The following MORN2 variants were observed in gnomAD, a reference collection of about 807,000 sequenced individuals.
MORN2 encodes MORN repeat-containing protein 2.
A neutral mutation model predicts 13.4 loss-of-function variants in MORN2; 15 were observed. The ratio of observed to expected loss-of-function variants is 1.12; its 90% CI spans 0.75 to 1.72. The LOEUF is 1.72. MORN2 is among the 40% of genes most tolerant of loss of function. The probability of loss-of-function intolerance (pLI) is 0.00; values close to 1 mark genes in which losing one functional copy is unlikely to be tolerated. For synonymous variants in MORN2, 46 were observed against 43.6 expected, an observed-to-expected ratio of 1.06 and a Z score of -0.22; for missense variants, 168 against 134.6, an observed-to-expected ratio of 1.25 and a Z score of -1.23.
chr2:38,876,137 G>A (rs1558414826), intron 1 of MORN2, 27 bp downstream of exon 1: 1 of 398,702 alleles, frequency 2.5e-6, no homozygotes, highest in Non-Finnish European at 4.4e-6. Flanking sequence ...CTAACGACCC[G>A]GGCAGAGAAG....
rs1286489867 is a variant in MORN2, at chr2:38,880,677, G to C, written c.187G>C (p.Val63Leu). Residue 63 changes from valine to leucine, a missense_variant, in exon 3 of 5, where the codon GTC becomes CTC. Coordinates refer to ENST00000644631, the MANE Select transcript of MORN2 (RefSeq NM_001145450.3). ...TATTCATACCACTCCTAATGGGATT[G>C]TCTACACAGGAAGCTGGAAAGATGA... 1 of 1,550,034 alleles carries C rather than the reference G, an allele frequency of 6.5e-7. No individual in the cohort carries two copies. The highest frequency in any genetic ancestry group is 8.7e-7 in the Non-Finnish European group (1 of 1,146,772).
intron 2 of MORN2, 70 bp downstream of exon 2, chr2:38,880,299 G>A (rs952764001): frequency 5.0e-6 from 2 of 398,904 alleles, no homozygotes; most frequent in East Asian, 7.1e-5. Flanking sequence ...AACTGAGACT[G>A]TTAAATTTTA....
At chr2:38,882,381 G>A (rs1365047717) in intron 4 of MORN2, 32 bp from the exon 5 acceptor site, 1 of 1,388,862 alleles carries the variant, frequency 7.2e-7, no homozygotes. Context: ...ATTCATCTTT[G>A]TTAATGGAAA....
rs1665777064 is a variant in MORN2 at position 38,881,516 on chromosome 2, T to A, written c.291T>A (p.His97Gln). 3 of 1,544,822 alleles carry A rather than the reference T, an allele frequency of 1.9e-6. No homozygotes were observed. Among genetic ancestry groups the A allele is most frequent in the Non-Finnish European group, 2.6e-6 (3 of 1,144,626 alleles). Residue 97 changes from histidine to glutamine, a missense_variant, in exon 4 of 5, where the codon CAT becomes CAA. His to Gln is a conservative substitution (Grantham distance 24). Coordinates refer to ENST00000644631, the MANE Select transcript of MORN2 (RefSeq NM_001145450.3). ...GACAATTTAAGGATAATATGTTTCA[T>A]GGACTGGGGACTTACACATTCCCAA... is the stretch of plus-strand genomic sequence containing the variant.
intron 2 of MORN2, 80 bp from the exon 3 acceptor site, chr2:38,880,520 A>T (rs1272945157): frequency 1.2e-6 from 1 of 817,182 alleles, no homozygotes; most frequent in Non-Finnish European, 1.8e-6. Context: ...GGAGCCAAAG[A>T]AACCCATGAG....
intron 1 of MORN2, among the ~76,000 whole-genome samples, chr2:38,876,579 G>C (rs1665632643): frequency 6.6e-6 from 1 of 152,212 alleles, no homozygotes; most frequent in African/African-American, 2.4e-5. Flanking sequence ...GAAGAGATTT[G>C]ACTAATCTGC....
At chr2:38,880,318 C>T (rs1291128917) in intron 2 of MORN2, 89 bp downstream of exon 2, 5 of 399,256 alleles carry the variant, frequency 1.3e-5, no homozygotes, top group Admixed American at 4.4e-5. Flanking sequence ...TATAAAACTA[C>T]TATTAGGATA....
At chr2:38,880,806 G>T in intron 3 of MORN2, 100 bp downstream of exon 3, 1 of 1,233,584 alleles carries the variant, frequency 8.1e-7, no homozygotes, top group South Asian at 1.7e-5. Context: ...ATAATGAGTA[G>T]ACTATATAAT....
chr2:38,878,486 T>G (rs975869357), intron 1 of MORN2, among the ~76,000 whole-genome samples: 1 of 152,164 alleles, frequency 6.6e-6, no homozygotes, highest in Non-Finnish European at 1.5e-5. Context: ...GGATCCACTT[T>G]CCATCATTTT....
In MORN2 at chr2:38,880,631, C is replaced by A; in HGVS notation, c.141C>A (p.Ile47=). The change falls in exon 3 of 5, where the codon ATC becomes ATA. Residue 47 remains isoleucine, a synonymous_variant. Coordinates refer to ENST00000644631, the MANE Select transcript of MORN2 (RefSeq NM_001145450.3). Reference sequence around the variant, plus strand: ...ACTGTACAAGAACATCTTCTGGAATCTACGAGAGAAATGGAATAGGTATTC... The same window carrying A: ...ACTGTACAAGAACATCTTCTGGAATATACGAGAGAAATGGAATAGGTATTC... The A allele has an allele frequency of 6.5e-7, 1 of 1,543,552 alleles. No homozygotes were observed. The highest frequency in any genetic ancestry group is 8.7e-7 in the Non-Finnish European group (1 of 1,144,120).
At chr2:38,876,624 G>A (rs889998561) in intron 1 of MORN2, among the ~76,000 whole-genome samples, 1 of 152,158 alleles carries the variant, frequency 6.6e-6, no homozygotes, top group African/African-American at 2.4e-5. Context: ...TGGGATAGGG[G>A]ATCCCGATAC....
intron 1 of MORN2, among the ~76,000 whole-genome samples, chr2:38,878,965 C>T (rs576127559): frequency 6.6e-6 from 1 of 152,316 alleles, no homozygotes; most frequent in African/African-American, 2.4e-5. Context: ...GATGGGCCTG[C>T]ATACCGTCTC....
chr2:38,881,604 C>A, intron 4 of MORN2, 26 bp downstream of exon 4: 2 of 1,438,650 alleles, frequency 1.4e-6, no homozygotes, highest in Non-Finnish European at 1.9e-6. Context: ...AAAAAAATCA[C>A]TGCATTTCTA....
In MORN2 at chr2:38,882,466, A is replaced by C; in HGVS notation, c.407A>C (p.Asn136Thr). 3 of 1,551,094 alleles carry C rather than the reference A, an allele frequency of 1.9e-6. No individual in the cohort carries two copies. The highest frequency in any genetic ancestry group is 2.6e-6 in the Non-Finnish European group (3 of 1,146,652). Residue 136 changes from asparagine to threonine, a missense_variant, in exon 5 of 5, where the codon AAC (asparagine) becomes ACC (threonine). By Grantham distance (65) the Asn-to-Thr change is moderately conservative. Transcript: ENST00000644631. ...ATCCAAGGACTAGAATGGAGTGGTAACTTTCATTTTACAGCTGCTCCAGAC... is the reference window on the plus strand; with the variant it reads ...ATCCAAGGACTAGAATGGAGTGGTACCTTTCATTTTACAGCTGCTCCAGAC...
chr2:38,876,220 T>A (rs72913113), intron 1 of MORN2, 110 bp downstream of exon 1: 4 of 397,736 alleles, frequency 1.0e-5, no homozygotes, highest in African/African-American at 2.1e-5. Context: ...GGGTGTGATA[T>A]ATTTCCTGAC....
chr2:38,880,812 A>G (rs1323547993), intron 3 of MORN2, 106 bp downstream of exon 3: 2 of 1,159,278 alleles, frequency 1.7e-6, no homozygotes, highest in Non-Finnish European at 2.4e-6. Context: ...AGTAGACTAT[A>G]TAATAAAAAT....
At chr2:38,881,374 T>A (rs1187698995) in intron 3 of MORN2, 68 bp from the exon 4 acceptor site, 1 of 1,380,196 alleles carries the variant, frequency 7.2e-7, no homozygotes, top group Non-Finnish European at 9.8e-7. Context: ...CTTATATTTG[T>A]ACATTTTTTA....
chr2:38,878,705 GT>G (rs1665709082), intron 1 of MORN2, among the ~76,000 whole-genome samples: 1 of 151,918 alleles, frequency 6.6e-6, no homozygotes, highest in Non-Finnish European at 1.5e-5. Context: ...ATTGCTAATT[GT>G]TTTTTGTTTT....
At position 38,882,442 on chromosome 2, in the gene MORN2, T is replaced by A. The variant is rs558959178; in HGVS notation, c.383T>A (p.Ile128Asn). Residue 128 changes from isoleucine to asparagine, a missense_variant, in exon 5 of 5, where the codon ATC (isoleucine) becomes AAC (asparagine). Ile to Asn is a moderately radical substitution (Grantham distance 149). Transcript: ENST00000644631. Reference sequence around the variant, plus strand: ...GAAGGTGAAGGGGAATATACTGATATCCAAGGACTAGAATGGAGTGGTAAC... The same window carrying A: ...GAAGGTGAAGGGGAATATACTGATAACCAAGGACTAGAATGGAGTGGTAAC... The A allele has an allele frequency of 1.3e-6, 2 of 1,550,786 alleles. No homozygotes were observed. The highest frequency in any genetic ancestry group is 1.2e-5 in the South Asian group (1 of 84,002).
Sources: allele counts gnomAD v4.1 joint callset (sites outside exome capture counted in the v4.1 genomes callset), GRCh38; gene constraint gnomAD v4.1.1; transcripts MANE v1.5; gene names NCBI Gene and HGNC (gene_info 2026-07-23, HGNC 2026-07-21).